IRF2: variants seen among roughly 807,000 people sequenced by gnomAD.
IRF2 encodes interferon regulatory factor 2.
In IRF2, 15 loss-of-function variants were observed where a neutral mutation model predicts 40.6. The ratio of observed to expected loss-of-function variants is 0.37; its 90% CI spans 0.25 to 0.57. The LOEUF (loss-of-function observed/expected upper bound fraction) is 0.57, where lower values mean the gene tolerates loss of function less well. Among genes scored for constraint, IRF2 ranks in the 20% least tolerant of loss-of-function variants. The pLI is 0.77. For missense variants in IRF2, 317 were observed against 455.7 expected (o/e 0.70, Z 2.77); for synonymous variants, 151 against 165.5 (o/e 0.91, Z 0.67).
intron 6 of IRF2, among the ~76,000 whole-genome samples, chr4:184,403,129 G>T (rs1207264078): frequency 6.6e-6 from 1 of 152,108 alleles, no homozygotes; most frequent in Non-Finnish European, 1.5e-5. Flanking sequence ...AGGGACAATG[G>T]CTTCTCTCCA....
At chr4:184,426,372 T>C (rs1737674353) in intron 2 of IRF2, among the ~76,000 whole-genome samples, 1 of 151,950 alleles carries the variant, frequency 6.6e-6, no homozygotes, top group Non-Finnish European at 1.5e-5. Context: ...CTTCTTGGAG[T>C]CCCTCGGCTG....
rs1347944372 is a variant in IRF2, at chr4:184,390,609, A to G, written c.741+94T>C. ...ATCCCAAAGTGAAGCTTGTGATCTA[A>G]AGGAAAGGTGCATAACCAGCAGCAA... On this transcript the variant is annotated intron_variant, in intron 8 of 8. Transcript: ENST00000393593. 4 of 1,165,096 alleles carry G rather than the reference A, an allele frequency of 3.4e-6. No individual in the cohort carries two copies. In the East Asian group the frequency reaches 7.0e-5, roughly 21 times the overall value. 72.2% of individuals were successfully genotyped at this position (1,165,096 alleles called of 1,614,324 possible).
chr4:184,436,721 T>G (rs1161714397), intron 1 of IRF2, among the ~76,000 whole-genome samples: 3 of 152,198 alleles, frequency 2.0e-5, no homozygotes. Context: ...AAAGCAGGAC[T>G]GAAGATGTGT....
At chr4:184,412,161 G>A (rs1415986376) in intron 5 of IRF2, among the ~76,000 whole-genome samples, 5 of 152,086 alleles carry the variant, frequency 3.3e-5, no homozygotes, top group East Asian at 3.9e-4. Context: ...AAACATTGAC[G>A]CTCAAGAACC....
chr4:184,418,768 T>A, intron 3 of IRF2, 60 bp from the exon 4 acceptor site: 1 of 1,441,978 alleles, frequency 6.9e-7, no homozygotes, highest in Non-Finnish European at 9.6e-7. Flanking sequence ...GAGGAAGGAA[T>A]TTCTGGAAAC....
intron 1 of IRF2, among the ~76,000 whole-genome samples, chr4:184,439,609 TC>T (rs1000919441): frequency 3.3e-5 from 5 of 152,200 alleles, no homozygotes; most frequent in African/African-American, 4.8e-5. Flanking sequence ...TAAAATGCTT[TC>T]AAATACCACA....
chr4:184,388,975 G>A lies in IRF2; in HGVS notation c.833C>T (p.Ala278Val), dbSNP rs377626557. Residue 278 changes from alanine (A) to valine (V), a missense_variant, in exon 9 of 9, where the codon GCG becomes GTG. Physicochemically the swap from Ala to Val is moderately conservative, Grantham distance 64. Coordinates refer to ENST00000393593, the MANE Select transcript of IRF2 (RefSeq NM_002199.4). The surrounding 1 kb of genome is among the most constrained non-coding windows in gnomAD (Gnocchi z 4.6). ...CGGTTTGTTGGAAGTGACGAAGGAC[G>A]CCATGCCGGGCAGCAGGTAGGAGCC... ...TRGSYLLPGM[A>V]SFVTSNKPDL... The A allele has an allele frequency of 1.4e-5, 23 of 1,614,186 alleles. No homozygotes were observed. Among genetic ancestry groups the A allele is most frequent in the East Asian group, 2.2e-5 (1 of 44,886 alleles).
intron 1 of IRF2, among the ~76,000 whole-genome samples, chr4:184,434,653 C>T (rs1738014017): frequency 6.6e-6 from 1 of 152,172 alleles, no homozygotes; most frequent in Non-Finnish European, 1.5e-5. Flanking sequence ...GTCAATTCAG[C>T]CCATGGTGGG....
chr4:184,459,595 A>G (rs1344820687), intron 1 of IRF2, among the ~76,000 whole-genome samples: 1 of 152,242 alleles, frequency 6.6e-6, no homozygotes, highest in East Asian at 1.9e-4. Flanking sequence ...AATGGGGAGA[A>G]GCTTAGTTTT....
Position 184,423,179 on chromosome 4 carries a change from C to T in IRF2, c.88-3611G>A, listed in dbSNP as rs552033337. Among the ~76,000 whole-genome samples, 12 of 152,222 alleles carry T rather than the reference C, an allele frequency of 7.9e-5. No individual in the cohort carries two copies. The South Asian group carries it at 2.1e-3, about 26-fold the overall frequency. On this transcript the variant is annotated intron_variant, in intron 2 of 8. Transcript: ENST00000393593. ...GGTGTTGCTATGTGTGTGTAGACCC[C>T]GTGACGTCAGTATGTGCCAGGTGTC...
intron 1 of IRF2, among the ~76,000 whole-genome samples, chr4:184,455,144 A>G (rs1424961881): frequency 6.6e-6 from 1 of 151,798 alleles, no homozygotes. Context: ...CCTGGCCACC[A>G]TAATTCATCC....
At chr4:184,444,651 A>C (rs1479345060) in intron 1 of IRF2, among the ~76,000 whole-genome samples, 1 of 152,256 alleles carries the variant, frequency 6.6e-6, no homozygotes, top group Non-Finnish European at 1.5e-5. Flanking sequence ...AATGTAATAG[A>C]GTCAAATAAT....
intron 1 of IRF2, among the ~76,000 whole-genome samples, chr4:184,438,783 A>G (rs1019524675): frequency 2.0e-5 from 3 of 152,238 alleles, no homozygotes; most frequent in Non-Finnish European, 4.4e-5. Context: ...TAGAAATAAA[A>G]TGTACAAGAA....
At chr4:184,424,002 C>T (rs1737574665) in intron 2 of IRF2, among the ~76,000 whole-genome samples, 2 of 152,018 alleles carry the variant, frequency 1.3e-5, no homozygotes, top group Non-Finnish European at 2.9e-5. Context: ...TAAGAAAATG[C>T]CCTTATGTCT....
At chr4:184,411,876 C>T (rs10009261) in intron 5 of IRF2, among the ~76,000 whole-genome samples, 43,107 of 151,468 alleles carry the variant, frequency 0.28, 7,500 homozygotes, top group Non-Finnish European at 0.4. Flanking sequence ...TAACCTGGCC[C>T]GGTTAATCCT....
intron 6 of IRF2, among the ~76,000 whole-genome samples, chr4:184,402,428 C>G (rs565946848): frequency 4.7e-4 from 71 of 152,154 alleles, no homozygotes; most frequent in Non-Finnish European, 9.0e-4. Context: ...TACGATGGGC[C>G]GCGACCTTGT....
chr4:184,416,323 A>C lies in IRF2; in HGVS notation c.411+1844T>G, dbSNP rs539912002. ...ACAGAGTAAGACCTTGTCTCAAAAA[A>C]AAAACAAAAAAAAAAAAAAACGAAA... On this transcript the variant is annotated intron_variant, in intron 5 of 8. Transcript: ENST00000393593. Among the ~76,000 whole-genome samples the C allele has an allele frequency of 4.2e-3, 609 of 143,908 alleles. 3 individuals are homozygous for C. The highest frequency in any genetic ancestry group is 0.012 in the African/African-American group (462 of 38,620). The allele number at this position is 143,908 out of a possible 152,430, so 94.4% of individuals were successfully genotyped here. A position where few individuals can be genotyped will look rare whatever the true frequency, so the allele number is the denominator to read the frequency against.
chr4:184,447,755 C>T (rs1247943556), intron 1 of IRF2, among the ~76,000 whole-genome samples: 3 of 152,208 alleles, frequency 2.0e-5, no homozygotes, highest in African/African-American at 2.4e-5. Context: ...CGTCAACAAG[C>T]CCAAACGGAT....
At chr4:184,435,267 C>T (rs1738036355) in intron 1 of IRF2, among the ~76,000 whole-genome samples, 1 of 152,162 alleles carries the variant, frequency 6.6e-6, no homozygotes, top group Admixed American at 6.5e-5. Context: ...GTTATGAAGA[C>T]CTCTTAATTG....
Sources: gnomAD v4.1 joint callset for allele counts (sites outside exome capture counted in the v4.1 genomes callset) on GRCh38, gnomAD v4.1.1 for gene constraint, Gnocchi (gnomAD v3.1) non-coding constraint, MANE v1.5 for transcripts, NCBI Gene and HGNC (gene_info 2026-07-23, HGNC 2026-07-21) for gene names.